Variants in SLC6A13 observed in about 807,000 individuals in gnomAD.
SLC6A13 encodes the protein sodium- and chloride-dependent GABA transporter 2.
In SLC6A13, 69 loss-of-function variants were observed where a neutral mutation model predicts 72.9. The observed-to-expected ratio is 0.95, with a 90% CI of 0.78 to 1.16. The LOEUF is 1.16. Among genes scored for constraint, SLC6A13 ranks in the 50% most tolerant of loss-of-function variants. The pLI is 0.00. For synonymous variants in SLC6A13, 303 were observed against 303.0 expected (o/e 1.00, Z 0.00); for missense variants, 735 against 760.5 (o/e 0.97, Z 0.39).
At chr12:262,244 T>C (rs527118) in intron 1 of SLC6A13, among the ~76,000 whole-genome samples, 109,333 of 152,070 alleles carry the variant, frequency 0.72, 40,723 homozygotes, top group Non-Finnish European at 0.82. Flanking sequence ...GTCTGAAAGG[T>C]CATGAGCTGT....
In SLC6A13 at chr12:220,773, G is replaced by A. The variant is rs1469049232; in HGVS notation, c.*175C>T. ...CTTTCACATCTGTTCAACAACCCCTGAGCTGAAAAGTTGCAGTGGGAGGCC... is the reference window on the plus strand; with the variant it reads ...CTTTCACATCTGTTCAACAACCCCTAAGCTGAAAAGTTGCAGTGGGAGGCC... On this transcript the variant is annotated 3_prime_UTR_variant, in exon 15 of 15. Transcript: ENST00000343164. 2 of 684,600 alleles carry A rather than the reference G, an allele frequency of 2.9e-6. No homozygotes were observed. Among genetic ancestry groups the A allele is most frequent in the Admixed American group, 2.7e-5 (1 of 36,700 alleles). The allele number at this position is 684,600 out of a possible 1,614,324, so 42.4% of individuals were successfully genotyped here. A position where few individuals can be genotyped will look rare whatever the true frequency, so the allele number is the denominator to read the frequency against.
At position 220,942 on chromosome 12, in the gene SLC6A13, T is replaced by C; in HGVS notation, c.*6A>G. On this transcript the variant is annotated 3_prime_UTR_variant, in exon 15 of 15. Transcript: ENST00000343164. ...GGCACACAGGCACCATCCAAGGGCC[T>C]GCCCCCTAGCAGTGAGACTCTAGCT... 6.2e-7 allele frequency: 1 copy of C among 1,611,924 alleles called. No individual in the cohort carries two copies. The highest frequency in any genetic ancestry group is 8.5e-7 in the Non-Finnish European group (1 of 1,179,852).
intron 2 of SLC6A13, among the ~76,000 whole-genome samples, chr12:257,055 G>A (rs141342031): frequency 6.6e-6 from 1 of 152,166 alleles, no homozygotes; most frequent in Admixed American, 6.5e-5. Context: ...CTTTCAGGAA[G>A]AGGCAGCAGT....
intron 4 of SLC6A13, among the ~76,000 whole-genome samples, chr12:238,719 G>T (rs1375686481): frequency 6.6e-6 from 1 of 152,160 alleles, no homozygotes; most frequent in Non-Finnish European, 1.5e-5. Flanking sequence ...GATCTTCTTA[G>T]AAATGGCCTG....
chr12:240,548 A>G (rs1389688140), intron 4 of SLC6A13, among the ~76,000 whole-genome samples: 1 of 152,264 alleles, frequency 6.6e-6, no homozygotes, highest in Non-Finnish European at 1.5e-5. Flanking sequence ...TCATTCGATC[A>G]ATATTTTTGA....
chr12:258,214 C>G (rs1942809945), intron 2 of SLC6A13, among the ~76,000 whole-genome samples: 1 of 152,218 alleles, frequency 6.6e-6, no homozygotes, highest in South Asian at 2.1e-4. Context: ...AGGGACACGA[C>G]AGCCCATTTT....
At chr12:229,661 C>A (rs1941622855) in intron 7 of SLC6A13, among the ~76,000 whole-genome samples, 1 of 152,210 alleles carries the variant, frequency 6.6e-6, no homozygotes, top group African/African-American at 2.4e-5. Context: ...CCAAAAAGGT[C>A]ATTCAGGGTG....
intron 1 of SLC6A13, among the ~76,000 whole-genome samples, chr12:260,537 T>C (rs182198639): frequency 6.6e-6 from 1 of 152,292 alleles, no homozygotes; most frequent in East Asian, 1.9e-4. Context: ...TGATTGTGAG[T>C]GAAAGGTGTA....
chr12:233,489 C>T (rs894596152), intron 7 of SLC6A13, among the ~76,000 whole-genome samples: 8 of 152,126 alleles, frequency 5.3e-5, no homozygotes, highest in Admixed American at 1.3e-4. Context: ...GGAGGAGACC[C>T]GGAGCCTCTG....
intron 8 of SLC6A13, chr12:226,970 GT>G (rs1251674219): frequency 8.5e-5 from 14 of 165,566 alleles, no homozygotes; most frequent in African/African-American, 3.1e-4. Flanking sequence ...GTGTTTCAGC[GT>G]GTATTAAAAT....
chr12:232,321 GC>G (rs1182503884), intron 7 of SLC6A13, among the ~76,000 whole-genome samples: 8 of 152,104 alleles, frequency 5.3e-5, no homozygotes, highest in African/African-American at 1.7e-4. Context: ...TCTCAACTCT[GC>G]CCCTCCAGAA....
rs746523736 is a variant in SLC6A13 at position 220,974 on chromosome 12, G to C, written c.1783C>G (p.Leu595Val). The C allele has an allele frequency of 1.2e-6, 2 of 1,613,078 alleles. No homozygotes were observed. Among genetic ancestry groups the C allele is most frequent in the Non-Finnish European group, 1.7e-6 (2 of 1,179,956 alleles). ...PATPRTSLLR[L>V]TELESHC ...TAGCAGTGAGACTCTAGCTCTGTGA[G>C]TCTGAGCAGTGAGGTCCTGGGGGTG... is the stretch of plus-strand genomic sequence containing the variant. The change falls in exon 15 of 15, where the codon CTC becomes GTC. Residue 595 changes from leucine (L) to valine (V), a missense_variant. Transcript: ENST00000343164.
At chr12:221,318 C>A in intron 14 of SLC6A13, 58 bp downstream of exon 14, 2 of 1,498,160 alleles carry the variant, frequency 1.3e-6, no homozygotes, top group South Asian at 2.6e-5. Flanking sequence ...GCCCACCTGT[C>A]GGCACCTGCG....
Position 224,055 on chromosome 12 carries a change from C to T in SLC6A13, c.1248G>A (p.Arg416=). 1 of 1,614,100 alleles carries T rather than the reference C, an allele frequency of 6.2e-7. No homozygotes were observed. Residue 416 remains arginine (R), a synonymous_variant, in exon 11 of 15, where the codon AGG becomes AGA. Coordinates refer to ENST00000343164, the MANE Select transcript of SLC6A13 (RefSeq NM_016615.5). ...YPHVFRKKNR[R]EVLILGVSVV... ...CAGATACTCCAAGGATGAGGACTTC[C>T]CTCCGGTTCTTCTTGCGGAACACGT...
intron 2 of SLC6A13, among the ~76,000 whole-genome samples, chr12:255,124 G>A (rs1028677382): frequency 2.0e-5 from 3 of 152,198 alleles, no homozygotes; most frequent in African/African-American, 7.2e-5. Flanking sequence ...TAGCAGTGGA[G>A]GGGATGAGAA....
intron 14 of SLC6A13, 117 bp downstream of exon 14, chr12:221,259 G>T: frequency 7.6e-7 from 1 of 1,312,928 alleles, no homozygotes; most frequent in Non-Finnish European, 1.0e-6. Flanking sequence ...CTGACACCCA[G>T]GCTGGGCCCA....
intron 8 of SLC6A13, 146 bp downstream of exon 8, chr12:227,419 G>C (rs1941505970): frequency 1.4e-6 from 2 of 1,398,352 alleles, no homozygotes; most frequent in South Asian, 1.4e-5. Context: ...GCAGCTCCTG[G>C]TAGCCCTGGG....
intron 2 of SLC6A13, among the ~76,000 whole-genome samples, chr12:250,904 G>A (rs1416753042): frequency 1.3e-5 from 2 of 150,004 alleles, no homozygotes; most frequent in African/African-American, 2.4e-5. Flanking sequence ...GAGGCATTTT[G>A]GGAGCATTCT....
intron 2 of SLC6A13, among the ~76,000 whole-genome samples, chr12:247,487 A>G (rs1271014345): frequency 1.3e-5 from 2 of 152,222 alleles, no homozygotes; most frequent in East Asian, 3.9e-4. Context: ...GGAATTCTAT[A>G]CCCAGCAATA....
Sources: allele counts gnomAD v4.1 joint callset (sites outside exome capture counted in the v4.1 genomes callset), GRCh38; gene constraint gnomAD v4.1.1; transcripts MANE v1.5; gene names NCBI Gene and HGNC (gene_info 2026-07-23, HGNC 2026-07-21).